XKR9: variants seen among roughly 807,000 people sequenced by gnomAD.
XKR9 encodes XK related 9, also known as XK-related protein 9.
Under a neutral mutation model 32.0 loss-of-function variants are expected in XKR9, and 32 were observed. The observed-to-expected ratio is 1.00, with a 90% confidence interval of 0.76 to 1.34. The LOEUF is 1.34. Among genes scored for constraint, XKR9 ranks in the 40% most tolerant of loss-of-function variants. XKR9 has a pLI of 0.00. For missense variants in XKR9, 546 were observed against 429.7 expected (o/e 1.27, Z -2.39); for synonymous variants, 168 against 143.4 (o/e 1.17, Z -1.22).
the XKR9 span, among the ~76,000 whole-genome samples, chr8:70,873,105 T>A: frequency 6.6e-6 from 1 of 152,180 alleles, no homozygotes; most frequent in South Asian, 2.1e-4. Context: ...TACAGCATAG[T>A]TTACTGAATA....
chr8:70,914,552 C>T, the XKR9 span, among the ~76,000 whole-genome samples: 1 of 151,956 alleles, frequency 6.6e-6, no homozygotes, highest in Admixed American at 6.6e-5. Context: ...ATCTTTTGCC[C>T]ATTTTTTCTA....
At chr8:70,906,294 TGTAA>T in the XKR9 span, among the ~76,000 whole-genome samples, 1 of 152,212 alleles carries the variant, frequency 6.6e-6, no homozygotes, top group Non-Finnish European at 1.5e-5. Context: ...CTAATGTATC[TGTAA>T]GTAAATTTTT....
At chr8:70,675,945 C>A (rs1486090617) in intron 2 of XKR9, among the ~76,000 whole-genome samples, 2 of 152,160 alleles carry the variant, frequency 1.3e-5, no homozygotes, top group Non-Finnish European at 2.9e-5. Flanking sequence ...ATCTTTATAG[C>A]AAAACTTTAC....
At chr8:70,856,311 AAGCAGCG>A in the XKR9 span, among the ~76,000 whole-genome samples, 1 of 152,142 alleles carries the variant, frequency 6.6e-6, no homozygotes, top group Non-Finnish European at 1.5e-5. Context: ...AAACAAAATA[AAGCAGCG>A]TTGCAATCCT....
chr8:70,906,212 G>A, the XKR9 span, among the ~76,000 whole-genome samples: 2 of 152,162 alleles, frequency 1.3e-5, no homozygotes, highest in African/African-American at 4.8e-5. Flanking sequence ...GTTCAGCTTT[G>A]CCCTGCCCCT....
chr8:70,727,760 G>A (rs952537705), intron 4 of XKR9, among the ~76,000 whole-genome samples: 5 of 152,046 alleles, frequency 3.3e-5, no homozygotes, highest in South Asian at 2.1e-4. Context: ...TGGGAGTGCC[G>A]ATTGGTCAGG....
the XKR9 span, among the ~76,000 whole-genome samples, chr8:70,993,494 T>A: frequency 2.6e-5 from 4 of 152,330 alleles, no homozygotes; most frequent in East Asian, 7.7e-4. Context: ...CAGAGTCATA[T>A]TTAGCTGTCT....
the XKR9 span, among the ~76,000 whole-genome samples, chr8:70,886,915 T>C: frequency 2.6e-5 from 4 of 152,188 alleles, no homozygotes; most frequent in African/African-American, 7.2e-5. Context: ...CAATTTTGGC[T>C]TCTGTTGCAA....
intron 3 of XKR9, 24 bp from the exon 4 acceptor site, chr8:70,706,909 G>C: frequency 6.4e-7 from 1 of 1,556,444 alleles, no homozygotes; most frequent in Non-Finnish European, 8.8e-7. Context: ...AAACTAAAGA[G>C]AAATGTTTAT....
At chr8:70,814,619 C>G in the XKR9 span, among the ~76,000 whole-genome samples, 3 of 151,900 alleles carry the variant, frequency 2.0e-5, no homozygotes, top group Admixed American at 1.3e-4. Flanking sequence ...CCATATATGA[C>G]AAAACCATTG....
chr8:70,753,920 A>T (rs1328326678), intron 2 of XKR9, among the ~76,000 whole-genome samples: 1 of 145,884 alleles, frequency 6.9e-6, no homozygotes, highest in African/African-American at 2.5e-5. Context: ...GGCCAGGGCA[A>T]TTAGGCAGGA....
the XKR9 span, among the ~76,000 whole-genome samples, chr8:70,938,374 G>A: frequency 1.3e-5 from 2 of 152,012 alleles, no homozygotes; most frequent in Admixed American, 6.6e-5. Context: ...AGAAGATGGT[G>A]CTGTGCATCA....
the XKR9 span, among the ~76,000 whole-genome samples, chr8:71,035,153 T>A: frequency 6.6e-6 from 1 of 152,194 alleles, no homozygotes; most frequent in East Asian, 1.9e-4. Context: ...TTTATTGCTG[T>A]CATTGCCTAA....
At position 70,702,230 on chromosome 8, in the gene XKR9, T is replaced by C. The variant is rs1036124186; in HGVS notation, c.273-4703T>C. ...AATTTTACCTCAGTCTCCAAATCTT[T>C]GGGGATTTAAAAAATATGTTGGTTA... On this transcript the variant is annotated intron_variant, in intron 3 of 4. Transcript: ENST00000408926. Among the ~76,000 whole-genome samples the C allele has an allele frequency of 2.4e-4, 36 of 152,256 alleles. 1 individual carries two copies. The highest frequency in any genetic ancestry group is 1.4e-3 in the Admixed American group (22 of 15,290).
chr8:70,828,396 G>A, the XKR9 span, among the ~76,000 whole-genome samples: 1 of 152,166 alleles, frequency 6.6e-6, no homozygotes, highest in Admixed American at 6.5e-5. Flanking sequence ...GGTTTAGGTG[G>A]GGGTAGTGGG....
At chr8:70,994,441 C>G in the XKR9 span, among the ~76,000 whole-genome samples, 1 of 151,988 alleles carries the variant, frequency 6.6e-6, no homozygotes, top group Admixed American at 6.6e-5. Context: ...TCACTTTCTT[C>G]TTACTTGCAT....
At chr8:70,691,899 C>G (rs1233792702) in intron 3 of XKR9, among the ~76,000 whole-genome samples, 2 of 151,952 alleles carry the variant, frequency 1.3e-5, no homozygotes, top group African/African-American at 4.8e-5. Context: ...TATTTGGGCT[C>G]TTTTTTTGGT....
chr8:70,802,357 G>A, the XKR9 span, among the ~76,000 whole-genome samples: 5 of 151,676 alleles, frequency 3.3e-5, no homozygotes, highest in Non-Finnish European at 7.4e-5. Context: ...CCTTTATTTT[G>A]AGCCTATAAG....
the XKR9 span, among the ~76,000 whole-genome samples, chr8:70,972,586 G>A: frequency 6.6e-6 from 1 of 152,024 alleles, no homozygotes; most frequent in Non-Finnish European, 1.5e-5. Flanking sequence ...GTTCAGTATA[G>A]TGTTGGCTGT....
Sources: gnomAD v4.1 joint callset for allele counts (sites outside exome capture counted in the v4.1 genomes callset) on GRCh38, gnomAD v4.1.1 for gene constraint, MANE v1.5 for transcripts, NCBI Gene and HGNC (gene_info 2026-07-23, HGNC 2026-07-21) for gene names.